Variants in DNAH17 observed in about 807,000 individuals in gnomAD.
DNAH17 encodes axonemal beta dynein heavy chain 17.
In DNAH17, 376 loss-of-function variants were observed where a neutral mutation model predicts 485.6. The observed-to-expected ratio is 0.77, with a 90% CI of 0.71 to 0.84. DNAH17 has a LOEUF of 0.84. Ranked by LOEUF, DNAH17 falls within the 40% of genes least tolerant of loss-of-function variation. The pLI is 0.00. For synonymous variants in DNAH17, 3,031 were observed against 2,405.9 expected (o/e 1.26, Z -7.60); for missense variants, 6,370 against 5,839.3 (o/e 1.09, Z -2.96).
At chr17:78,571,966 G>C (rs2092364988) in intron 3 of DNAH17, among the ~76,000 whole-genome samples, 184 bp from the exon 4 acceptor site, 1 of 152,190 alleles carries the variant, frequency 6.6e-6, no homozygotes. Context: ...CTCCCAGCTA[G>C]GAAGAGAGCC....
rs553879602 is a variant in DNAH17, at chr17:78,435,164, G to C, written c.12034-944C>G. Among the ~76,000 whole-genome samples the C allele has an allele frequency of 2.0e-5, 3 of 152,284 alleles. No homozygotes were observed. The South Asian group carries it at 6.2e-4, about 32-fold the overall frequency. On this transcript the variant is annotated intron_variant, in intron 74 of 80. Transcript: ENST00000389840. Reference sequence around the variant, plus strand: ...CCCTTTCAGACCTCAGCTCCCTGGGGAGGGCGCTGGCAGTGAACACGTGGA... The same window carrying C: ...CCCTTTCAGACCTCAGCTCCCTGGGCAGGGCGCTGGCAGTGAACACGTGGA...
intron 62 of DNAH17, among the ~76,000 whole-genome samples, chr17:78,456,993 G>A (rs2087832751): frequency 1.3e-5 from 2 of 152,242 alleles, no homozygotes; most frequent in South Asian, 4.1e-4. Context: ...ACACTCCCCT[G>A]TTGTTCAGCA....
At chr17:78,571,114 G>T in intron 5 of DNAH17, 81 bp from the exon 6 acceptor site, 1 of 1,370,876 alleles carries the variant, frequency 7.3e-7, no homozygotes, top group Non-Finnish European at 1.0e-6. Context: ...TCCATGTGCT[G>T]AGACCTGCTC....
intron 16 of DNAH17, among the ~76,000 whole-genome samples, chr17:78,547,679 G>A (rs1487907183): frequency 1.3e-5 from 2 of 149,482 alleles, no homozygotes; most frequent in Non-Finnish European, 3.0e-5. Context: ...GTGCAGTGGT[G>A]TGACCTCAGC....
chr17:78,465,324 G>A (rs976520940), intron 56 of DNAH17, among the ~76,000 whole-genome samples: 2 of 151,876 alleles, frequency 1.3e-5, no homozygotes, highest in East Asian at 1.9e-4. Flanking sequence ...CCAAGGTGCC[G>A]AGATTGCAGC....
chr17:78,492,821 C>T (rs1203539552), intron 41 of DNAH17, 56 bp from the exon 42 acceptor site: 2 of 1,563,472 alleles, frequency 1.3e-6, no homozygotes, highest in African/African-American at 2.8e-5. Flanking sequence ...ACATCCTGCC[C>T]CACTAGCCTC....
At position 78,532,608 on chromosome 17, in the gene DNAH17, G is replaced by A. The variant is rs1263394210; in HGVS notation, c.2988C>T (p.Asp996=). 6.2e-6 allele frequency: 10 copies of A among 1,607,054 alleles called. No homozygotes were observed. The highest frequency in any genetic ancestry group is 3.4e-5 in the Admixed American group (2 of 58,930). The part of the protein sequence containing the change: ...SFERYSYLWT[D]NLQEFMKNFL... Reference sequence around the variant, plus strand: ...AATTCTTCATAAACTCCTGCAGGTTGTCCGTCCAGAGGTAGGAGTACCTCT... The same window carrying A: ...AATTCTTCATAAACTCCTGCAGGTTATCCGTCCAGAGGTAGGAGTACCTCT... Residue 996 remains aspartate (D), a synonymous_variant, in exon 20 of 81, where the codon GAC becomes GAT. Transcript: ENST00000389840.
intron 12 of DNAH17, 34 bp from the exon 13 acceptor site, chr17:78,560,969 G>A: frequency 6.5e-7 from 1 of 1,533,404 alleles, no homozygotes. Flanking sequence ...GGCCCCACTG[G>A]ATATCTCCTG....
intron 11 of DNAH17, among the ~76,000 whole-genome samples, chr17:78,565,309 G>T (rs1180544474): frequency 3.3e-5 from 5 of 152,246 alleles, no homozygotes; most frequent in African/African-American, 1.2e-4. Context: ...AGGAGGTGCT[G>T]TATTAATTTG....
At chr17:78,549,097 C>A (rs2091842756) in intron 16 of DNAH17, among the ~76,000 whole-genome samples, 2 of 152,240 alleles carry the variant, frequency 1.3e-5, no homozygotes, top group South Asian at 4.1e-4. Flanking sequence ...GTGTTATGAA[C>A]TGCACGTCTG....
chr17:78,527,025 C>T, intron 22 of DNAH17, 29 bp from the exon 23 acceptor site: 1 of 1,500,734 alleles, frequency 6.7e-7, no homozygotes, highest in Non-Finnish European at 9.0e-7. Flanking sequence ...GAGGAGGGCT[C>T]CTTTCTCATT....
chr17:78,545,466 G>C (rs1296843308), intron 16 of DNAH17, among the ~76,000 whole-genome samples: 1 of 152,162 alleles, frequency 6.6e-6, no homozygotes, highest in African/African-American at 2.4e-5. Context: ...CTCTCTTCCT[G>C]GTGGGCAGAT....
chr17:78,447,310 C>G (rs965165879), intron 69 of DNAH17, among the ~76,000 whole-genome samples: 1 of 152,214 alleles, frequency 6.6e-6, no homozygotes, highest in Non-Finnish European at 1.5e-5. Context: ...CACCTGTTTA[C>G]AGGTCTTGTG....
At chr17:78,533,424 A>G (rs763018351) in intron 19 of DNAH17, among the ~76,000 whole-genome samples, 1 of 152,172 alleles carries the variant, frequency 6.6e-6, no homozygotes, top group Non-Finnish European at 1.5e-5. Flanking sequence ...TCCTGGCAAC[A>G]GCAAAGCACG....
At position 78,434,076 on chromosome 17, in the gene DNAH17, T is replaced by C. The variant is rs2146436602; in HGVS notation, c.12178A>G (p.Thr4060Ala). 2 of 1,613,144 alleles carry C rather than the reference T, an allele frequency of 1.2e-6. No homozygotes were observed. Among genetic ancestry groups the C allele is most frequent in the Middle Eastern group, 1.7e-4 (1 of 6,060 alleles). ...TTGTAGAGCACGTTGATGGAGATGG[T>C]GAGGTCCCCGTTGTTGAAGGGGTAC... ...RSYPFNNGDL[T>A]ISINVLYNYL... Residue 4060 changes from threonine (T) to alanine (A), a missense_variant, in exon 75 of 81, where the codon ACC becomes GCC. Transcript: ENST00000389840.
chr17:78,450,120 C>G, intron 68 of DNAH17, 134 bp downstream of exon 68: 1 of 1,063,264 alleles, frequency 9.4e-7, no homozygotes, highest in Middle Eastern at 2.2e-4. Context: ...GCTCCATCTG[C>G]AGGCTGGACC....
rs59568866 is a variant in DNAH17, at chr17:78,535,025, T to C, written c.2859+2274A>G. Among the ~76,000 whole-genome samples the C allele has an allele frequency of 9.0e-3, 1,376 of 152,266 alleles. 26 individuals carry two copies. Among genetic ancestry groups the C allele is most frequent in the African/African-American group, 0.032 (1,323 of 41,536 alleles). On this transcript the variant is annotated intron_variant, in intron 19 of 80. Transcript: ENST00000389840. ...AGCTTGGCACCAGGTAAGACTCTGC[T>C]AGACCAGCAGGCTTTCGAGGGACCC...
At chr17:78,538,733 G>A (rs889936812) in intron 18 of DNAH17, among the ~76,000 whole-genome samples, 6 of 152,122 alleles carry the variant, frequency 3.9e-5, no homozygotes, top group African/African-American at 9.7e-5. Context: ...CTGTAGTGAC[G>A]AGTACTTTCG....
chr17:78,568,884 C>A (rs2092309251), intron 9 of DNAH17, among the ~76,000 whole-genome samples: 1 of 152,172 alleles, frequency 6.6e-6, no homozygotes, highest in Non-Finnish European at 1.5e-5. Context: ...CCCCAGGCGT[C>A]CTGAACGTGG....
Sources: gnomAD v4.1 joint callset for allele counts (sites outside exome capture counted in the v4.1 genomes callset) on GRCh38, gnomAD v4.1.1 for gene constraint, MANE v1.5 for transcripts, NCBI Gene and HGNC (gene_info 2026-07-23, HGNC 2026-07-21) for gene names.